Variants in HHAT observed in about 807,000 individuals in gnomAD.
The protein encoded by HHAT is hedgehog acyltransferase, also known as protein-cysteine N-palmitoyltransferase HHAT.
Under a neutral mutation model 70.8 loss-of-function variants are expected in HHAT, and 47 were observed. That is an observed-to-expected ratio of 0.66 (90% confidence interval 0.53 to 0.85). The LOEUF is 0.85. Ranked by LOEUF, HHAT falls within the 40% of genes least tolerant of loss-of-function variation. HHAT has a pLI of 0.00. For synonymous variants in HHAT, 228 were observed against 247.6 expected (o/e 0.92, Z 0.74); for missense variants, 609 against 604.8 (o/e 1.01, Z -0.07).
chr1:210,522,603 C>T (rs568982424), intron 9 of HHAT, among the ~76,000 whole-genome samples: 103 of 152,312 alleles, frequency 6.8e-4, no homozygotes, highest in Non-Finnish European at 1.2e-3. Flanking sequence ...TCACATCCAC[C>T]CCTTCCTTTC....
At chr1:210,425,374 T>C (rs2093031779) in intron 7 of HHAT, among the ~76,000 whole-genome samples, 1 of 152,236 alleles carries the variant, frequency 6.6e-6, no homozygotes, top group Non-Finnish European at 1.5e-5. Flanking sequence ...ATTTTGCTTT[T>C]GTTGCAATTG....
At chr1:210,361,152 GT>G (rs1381335023) in intron 2 of HHAT, among the ~76,000 whole-genome samples, 28 of 152,356 alleles carry the variant, frequency 1.8e-4, no homozygotes, top group African/African-American at 6.3e-4. Context: ...TTCTGTGAAA[GT>G]GAAGCCAAAA....
chr1:210,511,758 A>G (rs958267840), intron 8 of HHAT, among the ~76,000 whole-genome samples: 5 of 144,208 alleles, frequency 3.5e-5, no homozygotes, highest in Non-Finnish European at 7.5e-5. Context: ...GGACTATATC[A>G]TCATGATTCT....
At chr1:210,446,822 T>C (rs989092920) in intron 7 of HHAT, among the ~76,000 whole-genome samples, 1 of 152,228 alleles carries the variant, frequency 6.6e-6, no homozygotes, top group Non-Finnish European at 1.5e-5. Flanking sequence ...ACAACCAGCG[T>C]TCTGCATCAC....
intron 9 of HHAT, among the ~76,000 whole-genome samples, chr1:210,516,080 G>GA (rs11449031): frequency 0.68 from 97,090 of 143,370 alleles, 31,351 homozygotes; most frequent in South Asian, 0.72. Context: ...AAAAGAAAAA[G>GA]AAAAAAAAAG....
rs11446633 is a variant in HHAT, at chr1:210,604,245, A to ATTT, written c.1245+16158_1245+16160dup. Among the ~76,000 whole-genome samples the ATTT allele has an allele frequency of 6.4e-5, 9 of 141,614 alleles. No individual in the cohort carries two copies. The South Asian group carries it at 1.4e-3, about 22-fold the overall frequency. The allele number at this position is 141,614 out of a possible 152,430, so 92.9% of individuals were successfully genotyped here. On this transcript the variant is annotated intron_variant, in intron 10 of 11. Coordinates refer to ENST00000261458, the MANE Select transcript of HHAT (RefSeq NM_018194.6). The stretch of plus-strand genomic sequence containing the variant: ...CAGGTGCATGCCACCAAGCCCAGCT[A>ATTT]TTTTTTTTTTTTTTGTATTTTTAGT...
chr1:210,526,405 C>T (rs1235018339), intron 9 of HHAT, among the ~76,000 whole-genome samples: 1 of 122,228 alleles, frequency 8.2e-6, no homozygotes. Flanking sequence ...ATATACTTAC[C>T]TGATGGACAT....
chr1:210,671,851 C>T (rs1680153666), intron 11 of HHAT, among the ~76,000 whole-genome samples: 1 of 152,222 alleles, frequency 6.6e-6, no homozygotes, highest in African/African-American at 2.4e-5. Flanking sequence ...GTCCTGGAGC[C>T]AGGCTGCCAG....
chr1:210,484,558 A>G (rs960406388), intron 8 of HHAT, among the ~76,000 whole-genome samples: 12 of 152,024 alleles, frequency 7.9e-5, no homozygotes, highest in African/African-American at 2.9e-4. Context: ...AGACCATGCA[A>G]ATACTCTGCT....
chr1:210,397,075 G>A (rs2091829587), intron 4 of HHAT, among the ~76,000 whole-genome samples: 1 of 139,662 alleles, frequency 7.2e-6, no homozygotes, highest in Admixed American at 7.4e-5. Context: ...TTGGTGCATT[G>A]CAGCAACATC....
At chr1:210,383,263 C>A (rs2090789518) in intron 3 of HHAT, among the ~76,000 whole-genome samples, 2 of 152,156 alleles carry the variant, frequency 1.3e-5, no homozygotes, top group East Asian at 1.9e-4. Flanking sequence ...TCACTTGAGC[C>A]TGGGAGGCAG....
chr1:210,415,848 AG>A (rs1296690695), intron 6 of HHAT, among the ~76,000 whole-genome samples: 5 of 152,048 alleles, frequency 3.3e-5, no homozygotes, highest in African/African-American at 1.2e-4. Context: ...TAATAGAGAC[AG>A]GGTTTCACCA....
chr1:210,674,160 A>C, intron 11 of HHAT, 128 bp from the exon 12 acceptor site: 1 of 718,250 alleles, frequency 1.4e-6, no homozygotes, highest in Non-Finnish European at 2.5e-6. Context: ...TTGTCATTAC[A>C]GCAGACTTTC....
At position 210,580,387 on chromosome 1, in the gene HHAT, AAG is replaced by A. The variant is rs1245450038; in HGVS notation, c.1044-7510_1044-7509del. Among the ~76,000 whole-genome samples, 415 of 128,888 alleles carry A rather than the reference AAG, an allele frequency of 3.2e-3. 2 individuals carry two copies. The highest frequency in any genetic ancestry group is 8.8e-3 in the African/African-American group (341 of 38,744). 84.6% of individuals were successfully genotyped at this position (128,888 alleles called of 152,430 possible). On this transcript the variant is annotated intron_variant, in intron 9 of 11. Transcript: ENST00000261458. Reference sequence around the variant, plus strand: ...AAACTTTTCTTTCTTTAAAAAAAAAAAGGGGGGATACGTGTACAGAACGTGCA... The same window carrying A: ...AAACTTTTCTTTCTTTAAAAAAAAAAGGGGGATACGTGTACAGAACGTGCA...
intron 2 of HHAT, 38 bp from the exon 3 acceptor site, chr1:210,362,814 A>G (rs1411185676): frequency 1.3e-6 from 2 of 1,574,464 alleles, no homozygotes; most frequent in Non-Finnish European, 1.7e-6. Flanking sequence ...AGTTTTGTTT[A>G]GATTTGTGAC....
At chr1:210,372,805 C>G (rs952378620) in intron 3 of HHAT, among the ~76,000 whole-genome samples, 5 of 132,308 alleles carry the variant, frequency 3.8e-5, no homozygotes, top group African/African-American at 5.8e-5. Context: ...TGTGATCCTT[C>G]TGGCTCAGCC....
chr1:210,525,674 A>T (rs1215974049), intron 9 of HHAT, among the ~76,000 whole-genome samples: 1 of 152,246 alleles, frequency 6.6e-6, no homozygotes, highest in Non-Finnish European at 1.5e-5. Context: ...TTGAGAATTG[A>T]GATGCATAAT....
rs201493338 is a variant in HHAT, at chr1:210,418,399, G to T, written c.856+74G>T. On this transcript the variant is annotated intron_variant, in intron 7 of 11. Coordinates refer to ENST00000261458, the MANE Select transcript of HHAT (RefSeq NM_018194.6). ...GTTAGCATCAGAATGGAGCTGGAGT[G>T]GGGGGTGAGCAGGGGTGCAGGTGCC... The T allele has an allele frequency of 1.7e-4, 38 of 223,636 alleles. 1 individual carries two copies. Among genetic ancestry groups the T allele is most frequent in the East Asian group, 9.2e-4 (4 of 4,330 alleles). The allele number at this position is 223,636 out of a possible 1,614,324, so 13.9% of individuals were successfully genotyped here.
At chr1:210,483,168 T>G (rs1048975793) in intron 8 of HHAT, among the ~76,000 whole-genome samples, 5 of 152,184 alleles carry the variant, frequency 3.3e-5, no homozygotes, top group African/African-American at 1.2e-4. Flanking sequence ...CTGTGACTCT[T>G]TCTACTATTC....
Sources: gnomAD v4.1 joint callset for allele counts (sites outside exome capture counted in the v4.1 genomes callset) on GRCh38, gnomAD v4.1.1 for gene constraint, MANE v1.5 for transcripts, NCBI Gene and HGNC (gene_info 2026-07-23, HGNC 2026-07-21) for gene names.